Variants in ANKDD1B observed in about 807,000 individuals in gnomAD.
ANKDD1B encodes ankyrin repeat and death domain-containing protein 1B.
ANKDD1B carries 57 observed loss-of-function variants against 59.7 expected under a neutral mutation model. That is an observed-to-expected ratio of 0.95 (90% CI 0.77 to 1.19). ANKDD1B has a LOEUF of 1.19. Ranked by LOEUF, ANKDD1B falls within the 50% of genes most tolerant of loss-of-function variation. The pLI is 0.00. For synonymous variants in ANKDD1B, 216 were observed against 239.5 expected, an observed-to-expected ratio of 0.90 and a Z score of 0.91; for missense variants, 602 against 641.9, an observed-to-expected ratio of 0.94 and a Z score of 0.67.
chr5:75,650,596 G>T (rs936038484), intron 7 of ANKDD1B, among the ~76,000 whole-genome samples: 2 of 152,080 alleles, frequency 1.3e-5, no homozygotes, highest in African/African-American at 4.8e-5. Flanking sequence ...AACTAATATA[G>T]GGGCCATTTT....
intron 3 of ANKDD1B, among the ~76,000 whole-genome samples, chr5:75,623,244 T>C (rs1231068945): frequency 6.6e-6 from 1 of 152,106 alleles, no homozygotes; most frequent in Non-Finnish European, 1.5e-5. Flanking sequence ...TTTGTATTTT[T>C]AGTAGAGATA....
At chr5:75,662,617 T>A (rs1775186352) in intron 10 of ANKDD1B, among the ~76,000 whole-genome samples, 1 of 152,136 alleles carries the variant, frequency 6.6e-6, no homozygotes, top group East Asian at 1.9e-4. Context: ...GTTGAAGTGG[T>A]GCACTCTATG....
At chr5:75,636,383 A>AG (rs1356542942) in intron 7 of ANKDD1B, among the ~76,000 whole-genome samples, 5 of 152,170 alleles carry the variant, frequency 3.3e-5, no homozygotes, top group Admixed American at 2.6e-4. Flanking sequence ...AAAAGAACCA[A>AG]GGCAAGAGTA....
intron 5 of ANKDD1B, among the ~76,000 whole-genome samples, chr5:75,632,902 A>G (rs771702041): frequency 6.6e-6 from 1 of 152,202 alleles, no homozygotes; most frequent in Non-Finnish European, 1.5e-5. Flanking sequence ...TATCTGGCAT[A>G]TTCATAGGCG....
chr5:75,635,424 T>C (rs1434149052), intron 6 of ANKDD1B: 6 of 200,252 alleles, frequency 3.0e-5, no homozygotes, highest in Non-Finnish European at 6.0e-5. Context: ...CTGCACATTT[T>C]AAAATCTTTG....
At chr5:75,662,744 C>T (rs1775193721) in intron 10 of ANKDD1B, among the ~76,000 whole-genome samples, 1 of 152,020 alleles carries the variant, frequency 6.6e-6, no homozygotes, top group Non-Finnish European at 1.5e-5. Context: ...CCAGGCAGTT[C>T]ATTCCCAAAA....
intron 5 of ANKDD1B, among the ~76,000 whole-genome samples, chr5:75,627,699 G>A (rs1774029158): frequency 6.6e-6 from 1 of 152,192 alleles, no homozygotes; most frequent in East Asian, 1.9e-4. Context: ...GATATTTGTT[G>A]ACGGCCTGTT....
At chr5:75,627,751 G>T (rs1774030693) in intron 5 of ANKDD1B, among the ~76,000 whole-genome samples, 1 of 152,200 alleles carries the variant, frequency 6.6e-6, no homozygotes, top group Admixed American at 6.5e-5. Flanking sequence ...AATGTGCCCT[G>T]ATTGCTTCCA....
rs1328673933 is a variant in ANKDD1B, at chr5:75,625,895, G to T, written c.540G>T (p.Val180=). The change falls in exon 5 of 14, where the codon GTG becomes GTT. Residue 180 remains valine (V), a synonymous_variant. Coordinates refer to ENST00000601380, the MANE Select transcript of ANKDD1B (RefSeq NM_001276713.2). ...ALHFATQSNH[V]RIVEYLIQDL... is the part of the protein sequence containing the mutation. ...ACTTTGCCACTCAGAGCAATCATGT[G>T]CGCATCGTGGAGTATCTTATTCAAG... The T allele has an allele frequency of 6.5e-7, 1 of 1,536,248 alleles. No homozygotes were observed. Among genetic ancestry groups the T allele is most frequent in the Admixed American group, 2.0e-5 (1 of 50,980 alleles).
intron 11 of ANKDD1B, among the ~76,000 whole-genome samples, chr5:75,664,937 A>G (rs1775267503): frequency 1.3e-5 from 2 of 152,168 alleles, no homozygotes; most frequent in Non-Finnish European, 2.9e-5. Flanking sequence ...AAATGCATTT[A>G]TTATTTTAAA....
At chr5:75,614,899 G>GTC (rs1327910288) in intron 1 of ANKDD1B, among the ~76,000 whole-genome samples, 1 of 152,196 alleles carries the variant, frequency 6.6e-6, no homozygotes, top group Non-Finnish European at 1.5e-5. Context: ...TGACCAACTA[G>GTC]TCTAATGGAG....
Position 75,625,694 on chromosome 5 carries a change from G to A in ANKDD1B, c.444G>A (p.Glu148=). 1 of 1,536,440 alleles carries A rather than the reference G, an allele frequency of 6.5e-7. No individual in the cohort carries two copies. The highest frequency in any genetic ancestry group is 8.7e-7 in the Non-Finnish European group (1 of 1,146,982). The change falls in exon 4 of 14, where the codon GAG becomes GAA. Residue 148 remains glutamate, a synonymous_variant. Coordinates refer to ENST00000601380, the MANE Select transcript of ANKDD1B (RefSeq NM_001276713.2). ...TTGCAGCCTGGTCTGGGAGCCTTGA[G>A]GTCATGCTCATGCTGGTTAAAGCTG... ...IHLAAWSGSL[E]VMLMLVKAGA...
At chr5:75,650,131 A>C (rs568634510) in intron 7 of ANKDD1B, among the ~76,000 whole-genome samples, 9 of 152,354 alleles carry the variant, frequency 5.9e-5, no homozygotes, top group African/African-American at 2.2e-4. Context: ...AGAGATGTTC[A>C]CATCGCAATT....
At chr5:75,630,584 G>C (rs941639231) in intron 5 of ANKDD1B, among the ~76,000 whole-genome samples, 13 of 152,212 alleles carry the variant, frequency 8.5e-5, no homozygotes, top group Admixed American at 7.9e-4. Flanking sequence ...GCAAAGCTTT[G>C]TAGCAACCAC....
intron 5 of ANKDD1B, among the ~76,000 whole-genome samples, chr5:75,632,096 A>G (rs1459825385): frequency 1.0e-4 from 15 of 150,552 alleles, no homozygotes; most frequent in Non-Finnish European, 1.8e-4. Flanking sequence ...AACAGAGCAA[A>G]ACTCTGTCTC....
At chr5:75,620,259 C>T (rs1338704954) in intron 2 of ANKDD1B, 56 bp from the exon 3 acceptor site, 2 of 900,596 alleles carry the variant, frequency 2.2e-6, no homozygotes, top group Non-Finnish European at 3.3e-6. Flanking sequence ...AAACAGGAAA[C>T]CTAAAATCAC....
rs980643275 is a variant in ANKDD1B at position 75,611,652 on chromosome 5, C to T, written c.18C>T (p.Arg6=). Residue 6 remains arginine (R), a synonymous_variant, in exon 1 of 14, where the codon CGC becomes CGT. Coordinates refer to ENST00000601380, the MANE Select transcript of ANKDD1B (RefSeq NM_001276713.2). The stretch of plus-strand genomic sequence containing the variant: ...AGGAGACTATGGACCCCGCCGGGCG[C>T]GCCCGGGGCCAAGGGGCCACGGCAG... MDPAG[R]ARGQGATAGG... The T allele has an allele frequency of 1.5e-5, 19 of 1,231,348 alleles. No individual in the cohort carries two copies. The African/African-American group carries it at 1.9e-4, about 12-fold the overall frequency. 76.3% of individuals were successfully genotyped at this position (1,231,348 alleles called of 1,614,324 possible). A position where few individuals can be genotyped will look rare whatever the true frequency, so the allele number is the denominator to read the frequency against.
rs1432381480 is a variant in ANKDD1B at position 75,625,695 on chromosome 5, G to A, written c.445G>A (p.Val149Ile). Reference protein sequence around the residue: ...HLAAWSGSLEVMLMLVKAGAD... With the variant: ...HLAAWSGSLEIMLMLVKAGAD... Reference sequence around the variant, plus strand: ...TGCAGCCTGGTCTGGGAGCCTTGAGGTCATGCTCATGCTGGTTAAAGCTGG... The same window carrying A: ...TGCAGCCTGGTCTGGGAGCCTTGAGATCATGCTCATGCTGGTTAAAGCTGG... The change falls in exon 4 of 14, where the codon GTC becomes ATC. Residue 149 changes from valine (V) to isoleucine (I), a missense_variant. Physicochemically the swap from Val to Ile is conservative, Grantham distance 29 (BLOSUM62 3). Around this residue, in one of 3 missense-constraint regions of ANKDD1B, gnomAD observed 317 missense variants for 304.6 expected, o/e 1.04. Coordinates refer to ENST00000601380, the MANE Select transcript of ANKDD1B (RefSeq NM_001276713.2). The A allele has an allele frequency of 6.5e-7, 1 of 1,536,484 alleles. No individual in the cohort carries two copies. Among genetic ancestry groups the A allele is most frequent in the East Asian group, 2.4e-5 (1 of 40,914 alleles).
intron 12 of ANKDD1B, 34 bp from the exon 13 acceptor site, chr5:75,669,218 G>T (rs1775405227): frequency 1.6e-6 from 2 of 1,231,804 alleles, no homozygotes; most frequent in African/African-American, 3.1e-5. Flanking sequence ...GCAGCTCGTG[G>T]TGTTTTACCT....
Sources: allele counts gnomAD v4.1 joint callset (sites outside exome capture counted in the v4.1 genomes callset), GRCh38; gene constraint gnomAD v4.1.1; regional missense constraint gnomAD v4.1.1; transcripts MANE v1.5; gene names NCBI Gene and HGNC (gene_info 2026-07-23, HGNC 2026-07-21).